TTC28: variants seen among roughly 807,000 people sequenced by gnomAD.
The protein encoded by TTC28 is tetratricopeptide repeat protein 28.
Under a neutral mutation model 198.0 loss-of-function variants are expected in TTC28, and 61 were observed. The ratio of observed to expected loss-of-function variants is 0.31; its 90% CI spans 0.25 to 0.38. The LOEUF is 0.38. Among genes scored for constraint, TTC28 ranks in the 10% least tolerant of loss-of-function variants. TTC28 has a pLI of 1.00. For missense variants in TTC28, 2,678 were observed against 3,164.0 expected (o/e 0.85, Z 3.69); for synonymous variants, 1,171 against 1,297.8 (o/e 0.90, Z 2.10).
intron 2 of TTC28, among the ~76,000 whole-genome samples, chr22:28,493,208 T>C (rs1386617865): frequency 6.6e-6 from 1 of 151,956 alleles, no homozygotes. Flanking sequence ...ATACAAAAAT[T>C]AGCTGGGCAT....
Position 28,343,583 on chromosome 22 carries a change from T to A in TTC28, c.382-36940A>T, listed in dbSNP as rs1404936495. Among the ~76,000 whole-genome samples the A allele has an allele frequency of 2.0e-5, 3 of 152,032 alleles. No individual in the cohort carries two copies. The South Asian group carries it at 6.2e-4, about 32-fold the overall frequency. ...GGGATAACAATGTCCTCTGCCTAATTCAAAAATTTCAACAGATTACTTTTA... is the reference window on the plus strand; with the variant it reads ...GGGATAACAATGTCCTCTGCCTAATACAAAAATTTCAACAGATTACTTTTA... On this transcript the variant is annotated intron_variant, in intron 2 of 22. Transcript: ENST00000397906.
At chr22:28,391,818 G>A (rs180945205) in intron 2 of TTC28, among the ~76,000 whole-genome samples, 3,995 of 151,944 alleles carry the variant, frequency 0.026, 89 homozygotes, top group Non-Finnish European at 0.042. Context: ...TAATTTGATC[G>A]TCTGAAGCCT....
intron 12 of TTC28, among the ~76,000 whole-genome samples, chr22:28,067,144 T>C (rs898744129): frequency 3.3e-5 from 5 of 152,228 alleles, no homozygotes; most frequent in African/African-American, 9.6e-5. Context: ...CTCCTGCTTT[T>C]CAGGTATTAT....
Position 28,423,625 on chromosome 22 carries a change from CA to C in TTC28, c.382-116983del, listed in dbSNP as rs1254496094. 3.3e-5 allele frequency among the ~76,000 whole-genome samples: 5 copies of C among 152,294 alleles called. No homozygotes were observed. The East Asian group carries it at 7.7e-4, about 23-fold the overall frequency. On this transcript the variant is annotated intron_variant, in intron 2 of 22. Coordinates refer to ENST00000397906, the MANE Select transcript of TTC28 (RefSeq NM_001145418.2). ...TAAAGTCCATTAAGTTGCATCATTA[CA>C]GTAGTTACATTAACCTTACCTGCCT...
At chr22:28,134,525 C>G (rs1171282455) in intron 6 of TTC28, among the ~76,000 whole-genome samples, 2 of 152,154 alleles carry the variant, frequency 1.3e-5, no homozygotes, top group African/African-American at 4.8e-5. Context: ...AGCTGAAAAC[C>G]ATGGCATGAG....
intron 5 of TTC28, among the ~76,000 whole-genome samples, chr22:28,294,027 G>C (rs1287299252): frequency 2.0e-5 from 3 of 152,176 alleles, no homozygotes; most frequent in Non-Finnish European, 4.4e-5. Flanking sequence ...CTTAGAAAAG[G>C]AATGTGGTAG....
chr22:28,271,518 T>G (rs1461977709), intron 5 of TTC28, among the ~76,000 whole-genome samples: 3 of 152,168 alleles, frequency 2.0e-5, no homozygotes, highest in Non-Finnish European at 4.4e-5. Flanking sequence ...AATTCCCATG[T>G]GTTGTGGGAG....
intron 2 of TTC28, among the ~76,000 whole-genome samples, chr22:28,363,344 C>G (rs930581136): frequency 2.5e-4 from 38 of 152,254 alleles, no homozygotes; most frequent in African/African-American, 9.1e-4. Flanking sequence ...TGCAGGTGCA[C>G]AGAAGTCAAG....
intron 6 of TTC28, among the ~76,000 whole-genome samples, chr22:28,162,267 C>T (rs1034192133): frequency 5.9e-5 from 9 of 152,192 alleles, no homozygotes; most frequent in Non-Finnish European, 1.3e-4. Flanking sequence ...AATCTATCAT[C>T]TTTAAATAGA....
intron 5 of TTC28, among the ~76,000 whole-genome samples, chr22:28,170,621 C>T (rs932010334): frequency 3.9e-5 from 6 of 152,184 alleles, no homozygotes; most frequent in African/African-American, 9.7e-5. Context: ...TCTTCTTCCA[C>T]GGTAAATGGA....
At chr22:28,286,956 T>C (rs1169886508) in intron 5 of TTC28, among the ~76,000 whole-genome samples, 1 of 152,132 alleles carries the variant, frequency 6.6e-6, no homozygotes, top group Non-Finnish European at 1.5e-5. Flanking sequence ...TATTTATAGA[T>C]TCAATGCTAA....
chr22:28,588,747 T>A (rs999436114), intron 2 of TTC28, among the ~76,000 whole-genome samples: 1 of 152,254 alleles, frequency 6.6e-6, no homozygotes, highest in Non-Finnish European at 1.5e-5. Flanking sequence ...CTAGCCTCCA[T>A]GTCCACAGAC....
intron 5 of TTC28, among the ~76,000 whole-genome samples, chr22:28,277,513 C>T (rs1339469510): frequency 1.3e-5 from 2 of 152,034 alleles, no homozygotes; most frequent in African/African-American, 4.8e-5. Context: ...TTAAACAAAC[C>T]TCAGTGATGG....
At chr22:28,446,298 T>C (rs1348343789) in intron 2 of TTC28, among the ~76,000 whole-genome samples, 4 of 152,056 alleles carry the variant, frequency 2.6e-5, no homozygotes, top group African/African-American at 9.7e-5. Context: ...GGAGAATGAA[T>C]AGTGAATAAA....
intron 6 of TTC28, among the ~76,000 whole-genome samples, chr22:28,129,347 T>C (rs1943001079): frequency 2.0e-5 from 3 of 152,196 alleles, no homozygotes; most frequent in African/African-American, 7.2e-5. Flanking sequence ...TCCGAATCTC[T>C]GAGAGTGGGC....
chr22:28,087,906 T>C (rs2146835588), intron 12 of TTC28, among the ~76,000 whole-genome samples: 1 of 152,268 alleles, frequency 6.6e-6, no homozygotes, highest in Admixed American at 6.5e-5. Flanking sequence ...TGAACTCTCA[T>C]TCACAATTGC....
At chr22:28,301,038 T>A (rs1281712186) in intron 3 of TTC28, among the ~76,000 whole-genome samples, 1 of 152,186 alleles carries the variant, frequency 6.6e-6, no homozygotes, top group African/African-American at 2.4e-5. Flanking sequence ...CACACAAAAG[T>A]CCATTTCACT....
At chr22:28,255,202 A>G (rs939877961) in intron 5 of TTC28, among the ~76,000 whole-genome samples, 1 of 152,164 alleles carries the variant, frequency 6.6e-6, no homozygotes, top group Admixed American at 6.5e-5. Context: ...CGAGAGAGCC[A>G]TTCACCAAGA....
chr22:28,032,175 T>TATATATATATAAA (rs1394968803), intron 12 of TTC28, among the ~76,000 whole-genome samples: 80 of 79,068 alleles, frequency 1.0e-3, no homozygotes, highest in African/African-American at 2.5e-3. Flanking sequence ...TGTGTATATA[T>TATATATATATAAA]ATATATATAT....
Sources: gnomAD v4.1 joint callset for allele counts (sites outside exome capture counted in the v4.1 genomes callset) on GRCh38, gnomAD v4.1.1 for gene constraint, MANE v1.5 for transcripts, NCBI Gene and HGNC (gene_info 2026-07-23, HGNC 2026-07-21) for gene names.